Variants in SND1 observed in about 807,000 individuals in gnomAD.
SND1 encodes staphylococcal nuclease domain-containing protein 1.
SND1 carries 38 observed loss-of-function variants against 121.7 expected under a neutral mutation model. The observed-to-expected ratio is 0.31, with a 90% CI of 0.24 to 0.41. The LOEUF (loss-of-function observed/expected upper bound fraction) is 0.41, where lower values mean the gene tolerates loss of function less well. Ranked by LOEUF, SND1 falls within the 10% of genes least tolerant of loss-of-function variation. The pLI, the probability that SND1 is intolerant of heterozygous loss-of-function variation, is 1.00. For missense variants in SND1, 868 were observed against 1,184.6 expected (o/e 0.73, Z 3.92); for synonymous variants, 401 against 447.4 (o/e 0.90, Z 1.31).
At chr7:127,887,642 T>A (rs1799937037) in intron 12 of SND1, among the ~76,000 whole-genome samples, 1 of 151,792 alleles carries the variant, frequency 6.6e-6, no homozygotes, top group Non-Finnish European at 1.5e-5. Context: ...TTTACAGATT[T>A]TTTTTTTTTT....
chr7:127,871,471 A>AT (rs1445861645), intron 12 of SND1, among the ~76,000 whole-genome samples: 2 of 152,118 alleles, frequency 1.3e-5, no homozygotes, highest in African/African-American at 2.4e-5. Context: ...GCCATAGCAG[A>AT]TTTTTTTAGC....
At chr7:127,779,824 T>C (rs1474756922) in intron 10 of SND1, among the ~76,000 whole-genome samples, 1 of 152,240 alleles carries the variant, frequency 6.6e-6, no homozygotes, top group African/African-American at 2.4e-5. Context: ...TTGCTCTTTC[T>C]TATCATTTGT....
chr7:127,867,548 A>G (rs190976971), intron 12 of SND1, among the ~76,000 whole-genome samples: 54 of 152,202 alleles, frequency 3.5e-4, no homozygotes, highest in African/African-American at 1.2e-3. Context: ...CACCATTTAC[A>G]TAGTCTTTTA....
chr7:127,804,561 G>A (rs1798197064), intron 10 of SND1, among the ~76,000 whole-genome samples: 1 of 151,984 alleles, frequency 6.6e-6, no homozygotes, highest in African/African-American at 2.4e-5. Context: ...TTTATTCCTA[G>A]TTTTGGAATT....
intron 12 of SND1, among the ~76,000 whole-genome samples, chr7:127,852,715 G>A (rs548550300): frequency 2.0e-5 from 3 of 151,914 alleles, no homozygotes; most frequent in African/African-American, 7.2e-5. Context: ...AGAGGTTGAG[G>A]TGGTATAATC....
intron 15 of SND1, among the ~76,000 whole-genome samples, chr7:127,990,215 A>C (rs1802490057): frequency 1.3e-5 from 2 of 152,202 alleles, no homozygotes; most frequent in African/African-American, 4.8e-5. Context: ...ATATATTATA[A>C]TATCTGTTTT....
At chr7:128,091,134 A>G (rs1281040017) in intron 22 of SND1, among the ~76,000 whole-genome samples, 1 of 152,236 alleles carries the variant, frequency 6.6e-6, no homozygotes, top group Non-Finnish European at 1.5e-5. Context: ...AGTAAATTAA[A>G]TAGGATATTA....
At chr7:127,862,562 C>A (rs1799399675) in intron 12 of SND1, among the ~76,000 whole-genome samples, 1 of 152,258 alleles carries the variant, frequency 6.6e-6, no homozygotes, top group African/African-American at 2.4e-5. Context: ...ACATCACTCT[C>A]AGCATTGGCT....
intron 10 of SND1, among the ~76,000 whole-genome samples, chr7:127,792,067 C>T (rs1031225181): frequency 5.3e-5 from 8 of 152,204 alleles, no homozygotes; most frequent in African/African-American, 4.8e-5. Context: ...TTATATCTTG[C>T]ACATTCCATG....
intron 10 of SND1, among the ~76,000 whole-genome samples, chr7:127,742,496 CT>C (rs567492939): frequency 4.0e-5 from 6 of 148,286 alleles, no homozygotes; most frequent in Admixed American, 2.7e-4. Context: ...TCCTGCAATA[CT>C]TTTTTTTTTC....
intron 15 of SND1, among the ~76,000 whole-genome samples, chr7:127,971,593 G>A (rs1035900226): frequency 1.3e-5 from 2 of 151,838 alleles, no homozygotes; most frequent in African/African-American, 2.4e-5. Flanking sequence ...AATTTCACTG[G>A]GTTTACAAAC....
intron 15 of SND1, among the ~76,000 whole-genome samples, chr7:127,942,490 T>C (rs969602627): frequency 6.6e-6 from 1 of 152,182 alleles, no homozygotes; most frequent in African/African-American, 2.4e-5. Context: ...CTTCCTAGGC[T>C]TGCCTCATTG....
chr7:128,074,521 G>T lies in SND1; in HGVS notation c.1799G>T (p.Ser600Ile). Residue 600 changes from serine (S) to isoleucine (I), a missense_variant, in exon 17 of 24, where the codon AGC becomes ATC. Ser to Ile is a moderately radical substitution (Grantham distance 142). Transcript: ENST00000354725. ...LQREVEVEVE[S>I]MDKAGNFIGW... ...TCCCAGGTGGAGGTGGAGGTGGAGA[G>T]CATGGACAAGGCCGGCAACTTTATC... is the stretch of plus-strand genomic sequence containing the variant. 6.2e-7 allele frequency: 1 copy of T among 1,612,904 alleles called. No homozygotes were observed.
intron 15 of SND1, among the ~76,000 whole-genome samples, chr7:127,981,196 A>T (rs1252774811): frequency 1.3e-5 from 2 of 151,958 alleles, no homozygotes; most frequent in Non-Finnish European, 2.9e-5. Flanking sequence ...TTGACCTCAG[A>T]TACTTTGTTT....
chr7:127,750,471 A>C (rs1033202074), intron 10 of SND1, among the ~76,000 whole-genome samples: 8 of 152,214 alleles, frequency 5.3e-5, no homozygotes, highest in African/African-American at 1.7e-4. Flanking sequence ...TGTTAATTAC[A>C]TACTACCCTC....
chr7:127,810,463 A>C (rs1798316403), intron 11 of SND1, among the ~76,000 whole-genome samples: 1 of 152,210 alleles, frequency 6.6e-6, no homozygotes, highest in Non-Finnish European at 1.5e-5. Context: ...ATCTTGACTA[A>C]GGAATATTCA....
At chr7:127,957,026 T>C (rs926667047) in intron 15 of SND1, among the ~76,000 whole-genome samples, 1 of 152,192 alleles carries the variant, frequency 6.6e-6, no homozygotes, top group East Asian at 1.9e-4. Flanking sequence ...CAGGAAAATA[T>C]TGAGAGGCCG....
intron 10 of SND1, among the ~76,000 whole-genome samples, chr7:127,771,904 G>A (rs922055676): frequency 2.0e-5 from 3 of 151,890 alleles, no homozygotes; most frequent in East Asian, 1.9e-4. Flanking sequence ...CGGTGGTTTC[G>A]CTTCCGGCTG....
At chr7:127,888,138 T>G (rs1055422058) in intron 13 of SND1, 126 bp downstream of exon 13, 1 of 579,634 alleles carries the variant, frequency 1.7e-6, no homozygotes, top group Non-Finnish European at 3.0e-6. Flanking sequence ...GTATTATTAT[T>G]CTAGATTTTC....
Sources: allele counts gnomAD v4.1 joint callset (sites outside exome capture counted in the v4.1 genomes callset), GRCh38; gene constraint gnomAD v4.1.1; transcripts MANE v1.5; gene names NCBI Gene and HGNC (gene_info 2026-07-23, HGNC 2026-07-21).